MLPH: variants seen among roughly 807,000 people sequenced by gnomAD.
The protein encoded by MLPH is exophilin-3.
A neutral mutation model predicts 72.1 loss-of-function variants in MLPH; 51 were observed. That is an observed-to-expected ratio of 0.71 (90% CI 0.56 to 0.89). The LOEUF (loss-of-function observed/expected upper bound fraction) is 0.89. Ranked by LOEUF, MLPH falls within the 40% of genes least tolerant of loss-of-function variation. MLPH has a pLI of 0.00. For synonymous variants in MLPH, 301 were observed against 310.1 expected (o/e 0.97, Z 0.31); for missense variants, 743 against 759.9 (o/e 0.98, Z 0.26).
intron 5 of MLPH, 58 bp downstream of exon 5, chr2:237,518,706 A>T: frequency 7.3e-7 from 1 of 1,375,558 alleles, no homozygotes; most frequent in South Asian, 1.2e-5. Context: ...CGCAGCTGGG[A>T]CGTCAGGTTC....
rs765181741 is a variant in MLPH at position 237,527,324 on chromosome 2, A to G, written c.881-53A>G. 10 of 1,612,874 alleles carry G rather than the reference A, an allele frequency of 6.2e-6. No homozygotes were observed. In the African/African-American group the frequency reaches 6.7e-5, roughly 11 times the overall value. On this transcript the variant is annotated intron_variant, in intron 7 of 15. Transcript: ENST00000264605. Reference sequence around the variant, plus strand: ...TTTCTTCATTGGACTAAACACGTCCATCAGCTTTCAGGTTTTCACTGCAAG... The same window carrying G: ...TTTCTTCATTGGACTAAACACGTCCGTCAGCTTTCAGGTTTTCACTGCAAG...
At chr2:237,524,321 A>AT (rs1559357447) in intron 6 of MLPH, among the ~76,000 whole-genome samples, 8 of 146,234 alleles carry the variant, frequency 5.5e-5, no homozygotes, top group South Asian at 2.1e-4. Context: ...ATATATATAT[A>AT]AAGGGGAGTT....
intron 8 of MLPH, among the ~76,000 whole-genome samples, chr2:237,529,894 GCTTCC>G: frequency 6.6e-6 from 1 of 152,362 alleles, no homozygotes; most frequent in East Asian, 1.9e-4. Flanking sequence ...GCCCTGTGGA[GCTTCC>G]CTTCGGGCCT....
intron 2 of MLPH, among the ~76,000 whole-genome samples, chr2:237,501,682 A>AAAAAAAAAAC (rs2079653212): frequency 1.6e-5 from 2 of 123,906 alleles, no homozygotes; most frequent in African/African-American, 3.4e-5. Context: ...AAAAAAAAAA[A>AAAAAAAAAAC]AAAAAAATAC....
chr2:237,523,503 T>C (rs1320470345), intron 6 of MLPH, among the ~76,000 whole-genome samples: 2 of 152,218 alleles, frequency 1.3e-5, no homozygotes, highest in African/African-American at 4.8e-5. Flanking sequence ...TCTTGCATAC[T>C]TTCTCCATAG....
chr2:237,539,063 A>C (rs2080605519), intron 9 of MLPH, among the ~76,000 whole-genome samples: 1 of 152,016 alleles, frequency 6.6e-6, no homozygotes, highest in South Asian at 2.1e-4. Context: ...GGGCGCGCAG[A>C]GGCTGGAGCC....
chr2:237,512,933 G>GGC lies in MLPH; in HGVS notation c.445+1835_445+1836dup. On this transcript the variant is annotated intron_variant, in intron 4 of 15. Transcript: ENST00000264605. The surrounding 1 kb of genome is among the most constrained non-coding windows in gnomAD (Gnocchi z 5.5). Reference sequence around the variant, plus strand: ...CATCACCACCAAGGGGCCAGGAGGTGGCGCTGTGGGGCAACAGAAAACAGA... The same window carrying GGC: ...CATCACCACCAAGGGGCCAGGAGGTGGCGCGCTGTGGGGCAACAGAAAACAGA... Among the ~76,000 whole-genome samples the GGC allele has an allele frequency of 6.6e-6, 1 of 152,084 alleles. No homozygotes were observed. Among genetic ancestry groups the GGC allele is most frequent in the Admixed American group, 6.5e-5 (1 of 15,268 alleles).
chr2:237,525,114 C>A (rs941052512), intron 6 of MLPH, among the ~76,000 whole-genome samples: 1 of 152,206 alleles, frequency 6.6e-6, no homozygotes, highest in Non-Finnish European at 1.5e-5. Context: ...ACACAGACAC[C>A]CCTCTGCTGG....
chr2:237,500,453 C>T (rs1404510306), intron 2 of MLPH, among the ~76,000 whole-genome samples: 1 of 152,178 alleles, frequency 6.6e-6, no homozygotes, highest in African/African-American at 2.4e-5. Flanking sequence ...TAATCGTATT[C>T]AATTTTAATT....
intron 1 of MLPH, among the ~76,000 whole-genome samples, chr2:237,492,163 C>T (rs2079440356): frequency 6.6e-6 from 1 of 152,190 alleles, no homozygotes; most frequent in South Asian, 2.1e-4. Flanking sequence ...TTCCACCTAT[C>T]TTGGCTTTTG....
intron 7 of MLPH, 170 bp from the exon 8 acceptor site, chr2:237,527,207 G>T: frequency 1.3e-6 from 1 of 781,274 alleles, no homozygotes; most frequent in Non-Finnish European, 2.2e-6. Context: ...TTTGTGTGTG[G>T]CTGTGGAATC....
chr2:237,518,257 G>T lies in MLPH; in HGVS notation c.446-282G>T, dbSNP rs1455658389. 9.4e-6 allele frequency: 5 copies of T among 531,718 alleles called. No homozygotes were observed. The African/African-American group carries it at 9.5e-5, about 10-fold the overall frequency. 32.9% of individuals were successfully genotyped at this position (531,718 alleles called of 1,614,324 possible). A position where few individuals can be genotyped will look rare whatever the true frequency, so the allele number is the denominator to read the frequency against. On this transcript the variant is annotated intron_variant, in intron 4 of 15. Transcript: ENST00000264605. ...TGTATGGGTGGGTGGATGGATTGAT[G>T]CATGGATGGATGGGCTGCCCATTGA... is the stretch of plus-strand genomic sequence containing the variant.
In MLPH at chr2:237,510,454, A is replaced by AGTTAC. The variant is rs2079865770; in HGVS notation, c.111-119_111-115dup. 1.0e-6 allele frequency: 1 copy of AGTTAC among 984,504 alleles called. No homozygotes were observed. Among genetic ancestry groups the AGTTAC allele is most frequent in the African/African-American group, 1.6e-5 (1 of 62,340 alleles). The allele number at this position is 984,504 out of a possible 1,614,324, so 61.0% of individuals were successfully genotyped here. The stretch of plus-strand genomic sequence containing the variant: ...GGTCACTGTTTTCTGCATAGGAGAC[A>AGTTAC]GTTACTGTGTGTGTGTATGTGTCTG... On this transcript the variant is annotated intron_variant, in intron 2 of 15. Coordinates refer to ENST00000264605, the MANE Select transcript of MLPH (RefSeq NM_024101.7). The surrounding 1 kb of genome is among the most constrained non-coding windows in gnomAD (Gnocchi z 4.4).
intron 2 of MLPH, among the ~76,000 whole-genome samples, chr2:237,498,232 C>T (rs946878635): frequency 1.3e-5 from 2 of 152,210 alleles, no homozygotes; most frequent in African/African-American, 2.4e-5. Context: ...TCACTTAATG[C>T]ACCAATTATC....
intron 2 of MLPH, among the ~76,000 whole-genome samples, chr2:237,509,296 C>T (rs1478805047): frequency 1.3e-5 from 2 of 152,236 alleles, no homozygotes; most frequent in Non-Finnish European, 2.9e-5. Context: ...TAAGAGGACT[C>T]CTCCAGCCTG....
intron 4 of MLPH, 47 bp from the exon 5 acceptor site, chr2:237,518,492 C>G (rs761328640): frequency 6.7e-7 from 1 of 1,501,818 alleles, no homozygotes; most frequent in African/African-American, 1.4e-5. Context: ...ATGGCTTGTT[C>G]CCAGACTGTT....
In MLPH at chr2:237,542,705, G is replaced by GCAGTGGTGAGTGGCGGA. The variant is rs1368918157; in HGVS notation, c.1539+60_1539+76dup. On this transcript the variant is annotated intron_variant, in intron 12 of 15. Transcript: ENST00000264605. The stretch of plus-strand genomic sequence containing the variant: ...AGTGGAGACAGTGCTGAGTGGGGGG[G>GCAGTGGTGAGTGGCGGA]CAGTGGTGAGTGGCGGACAGTGGTG... The GCAGTGGTGAGTGGCGGA allele has an allele frequency of 1.1e-5, 12 of 1,122,690 alleles. No individual in the cohort carries two copies. The East Asian group carries it at 3.9e-4, about 36-fold the overall frequency. The allele number at this position is 1,122,690 out of a possible 1,614,324, so 69.5% of individuals were successfully genotyped here. A position where few individuals can be genotyped will look rare whatever the true frequency, so the allele number is the denominator to read the frequency against.
In MLPH at chr2:237,505,778, C is replaced by T. The variant is rs6707775; in HGVS notation, c.111-4796C>T. ...TATACGCCCTTTCTTCAGAGGCTGC[C>T]GGGCCTCCCTTGAGGACAGGAGTGC... On this transcript the variant is annotated intron_variant, in intron 2 of 15. Transcript: ENST00000264605. This position sits in a 1 kb window ranked among gnomAD's most constrained non-coding sequence, Gnocchi z 4.5. Among the ~76,000 whole-genome samples, 4,026 of 152,274 alleles carry T rather than the reference C, an allele frequency of 0.026. 155 individuals carry two copies. Among genetic ancestry groups the T allele is most frequent in the African/African-American group, 0.088 (3,635 of 41,526 alleles).
intron 2 of MLPH, among the ~76,000 whole-genome samples, chr2:237,500,528 C>T (rs111497200): frequency 5.3e-5 from 8 of 152,346 alleles, no homozygotes; most frequent in African/African-American, 1.7e-4. Context: ...CTAGACAACA[C>T]ATCTAAACAA....
Sources: allele counts gnomAD v4.1 joint callset (sites outside exome capture counted in the v4.1 genomes callset), GRCh38; gene constraint gnomAD v4.1.1; non-coding constraint Gnocchi (gnomAD v3.1); transcripts MANE v1.5; gene names NCBI Gene and HGNC (gene_info 2026-07-23, HGNC 2026-07-21).